GRIP1: variants seen among roughly 807,000 people sequenced by gnomAD.
The protein encoded by GRIP1 is glutamate receptor-interacting protein 1.
GRIP1 carries 45 observed loss-of-function variants against 129.9 expected under a neutral mutation model. That is an observed-to-expected ratio of 0.35 (90% CI 0.27 to 0.44). The LOEUF (loss-of-function observed/expected upper bound fraction) is 0.44. GRIP1 is among the 20% of genes least tolerant of loss of function. GRIP1 has a pLI of 1.00. For missense variants in GRIP1, 1,196 were observed against 1,396.8 expected (o/e 0.86, Z 2.29); for synonymous variants, 530 against 520.8 (o/e 1.02, Z -0.24).
intron 4 of GRIP1, among the ~76,000 whole-genome samples, chr12:66,530,449 G>C (rs1009458665): frequency 6.6e-6 from 1 of 152,124 alleles, no homozygotes; most frequent in Non-Finnish European, 1.5e-5. Context: ...ATGAAACTTA[G>C]AGGGCAAAAG....
chr12:66,814,999 A>G (rs1252069824), intron 1 of GRIP1, among the ~76,000 whole-genome samples: 1 of 152,216 alleles, frequency 6.6e-6, no homozygotes, highest in Non-Finnish European at 1.5e-5. Flanking sequence ...CCTGCGGTTG[A>G]CAAATAGGGA....
chr12:66,473,148 C>A (rs1826545), intron 7 of GRIP1, among the ~76,000 whole-genome samples: 52,730 of 151,950 alleles, frequency 0.35, 9,633 homozygotes, highest in Non-Finnish European at 0.41. Flanking sequence ...GGGGGAGGGG[C>A]GTCCCTCAAT....
intron 1 of GRIP1, among the ~76,000 whole-genome samples, chr12:66,809,492 A>C (rs113599688): frequency 0.033 from 5,012 of 152,138 alleles, 203 homozygotes; most frequent in African/African-American, 0.097. Context: ...ACCCTGACCT[A>C]CTGAGGATGA....
intron 1 of GRIP1, among the ~76,000 whole-genome samples, chr12:66,953,475 G>T (rs925189674): frequency 6.6e-6 from 1 of 152,148 alleles, no homozygotes; most frequent in Non-Finnish European, 1.5e-5. Context: ...TTAAGACAAG[G>T]AAACTAAAGC....
intron 11 of GRIP1, among the ~76,000 whole-genome samples, chr12:66,450,280 G>T (rs981145075): frequency 2.2e-5 from 3 of 134,972 alleles, no homozygotes; most frequent in Non-Finnish European, 3.1e-5. Context: ...CTCCAGCCTG[G>T]GTGACAGAGT....
At chr12:66,637,209 AAAAT>A (rs931069845) in intron 1 of GRIP1, among the ~76,000 whole-genome samples, 8 of 152,244 alleles carry the variant, frequency 5.3e-5, no homozygotes, top group South Asian at 2.1e-4. Flanking sequence ...GAAACTGTAT[AAAAT>A]AAATAAATAA....
chr12:66,936,343 T>C (rs2041483882), intron 1 of GRIP1, among the ~76,000 whole-genome samples: 1 of 151,032 alleles, frequency 6.6e-6, no homozygotes, highest in South Asian at 2.1e-4. Context: ...GGAGGATCAC[T>C]TGAGCCCAGG....
intron 2 of GRIP1, among the ~76,000 whole-genome samples, chr12:66,577,760 G>A (rs1308147422): frequency 6.6e-6 from 1 of 151,988 alleles, no homozygotes; most frequent in Admixed American, 6.6e-5. Flanking sequence ...AACCATCCTG[G>A]GCAACATGGC....
intron 1 of GRIP1, among the ~76,000 whole-genome samples, chr12:66,934,432 A>G (rs931955527): frequency 6.6e-6 from 1 of 152,242 alleles, no homozygotes; most frequent in Non-Finnish European, 1.5e-5. Flanking sequence ...AAATAACTAC[A>G]TCACTTAAAC....
chr12:66,427,144 A>C (rs1271597473), intron 14 of GRIP1, among the ~76,000 whole-genome samples: 1 of 152,208 alleles, frequency 6.6e-6, no homozygotes. Flanking sequence ...AAGGGAGTAC[A>C]GGATAGAAAT....
intron 7 of GRIP1, among the ~76,000 whole-genome samples, chr12:66,470,343 T>C (rs368225251): frequency 1.3e-5 from 2 of 152,192 alleles, no homozygotes; most frequent in South Asian, 4.1e-4. Context: ...ATTTTAGTCA[T>C]TCAAAATGCT....
intron 1 of GRIP1, among the ~76,000 whole-genome samples, chr12:66,686,336 C>T (rs1195335516): frequency 6.6e-6 from 1 of 152,162 alleles, no homozygotes; most frequent in Non-Finnish European, 1.5e-5. Context: ...AGTAAAGATG[C>T]TAAAATTAAA....
chr12:66,349,342 A>G, intron 24 of GRIP1, 96 bp from the exon 25 acceptor site: 1 of 968,268 alleles, frequency 1.0e-6, no homozygotes. Flanking sequence ...GTTTGAAGTC[A>G]TGAAGGTGCT....
At chr12:67,050,421 GGCCTAC>G (rs2043325323) in intron 1 of GRIP1, among the ~76,000 whole-genome samples, 3 of 152,112 alleles carry the variant, frequency 2.0e-5, no homozygotes, top group African/African-American at 7.2e-5. Flanking sequence ...TTTAAGGGCA[GGCCTAC>G]CATATTCACA....
intron 1 of GRIP1, among the ~76,000 whole-genome samples, chr12:67,020,688 A>T (rs1223841591): frequency 6.6e-6 from 1 of 152,180 alleles, no homozygotes; most frequent in Non-Finnish European, 1.5e-5. Flanking sequence ...TATAGGCAAG[A>T]AAAGCACATT....
rs143944991 is a variant in GRIP1, at chr12:66,467,557, T to C, written c.725-2135A>G. 6.1e-3 allele frequency among the ~76,000 whole-genome samples: 930 copies of C among 152,298 alleles called. 13 individuals carry two copies. Among genetic ancestry groups the C allele is most frequent in the African/African-American group, 0.021 (869 of 41,560 alleles). The stretch of plus-strand genomic sequence containing the variant: ...TCAGGAGACCCTAGTAAAGAATCCT[T>C]GTTAGTCCCCGCAGCCTCTGTTTTA... On this transcript the variant is annotated intron_variant, in intron 7 of 24. Transcript: ENST00000359742.
intron 7 of GRIP1, among the ~76,000 whole-genome samples, chr12:66,512,814 G>A (rs970220918): frequency 6.6e-6 from 1 of 152,030 alleles, no homozygotes; most frequent in African/African-American, 2.4e-5. Flanking sequence ...AAACCCTGAT[G>A]AGATGTACAC....
chr12:66,823,774 T>C (rs2039362407), intron 1 of GRIP1, among the ~76,000 whole-genome samples: 1 of 151,412 alleles, frequency 6.6e-6, no homozygotes, highest in Admixed American at 6.6e-5. Context: ...AAAGAAAGAG[T>C]TCTGATTTGG....
chr12:66,596,538 T>G (rs1463974230), intron 2 of GRIP1, among the ~76,000 whole-genome samples: 1 of 152,198 alleles, frequency 6.6e-6, no homozygotes, highest in Non-Finnish European at 1.5e-5. Context: ...GATGCTATTG[T>G]GAAAGTCATC....
Sources: gnomAD v4.1 joint callset for allele counts (sites outside exome capture counted in the v4.1 genomes callset) on GRCh38, gnomAD v4.1.1 for gene constraint, MANE v1.5 for transcripts, NCBI Gene and HGNC (gene_info 2026-07-23, HGNC 2026-07-21) for gene names.